The following LRMDA variants were observed in gnomAD, a reference collection of about 807,000 sequenced individuals.
LRMDA encodes the protein leucine-rich melanocyte differentiation-associated protein.
Under a neutral mutation model 29.8 loss-of-function variants are expected in LRMDA, and 18 were observed. That is an observed-to-expected ratio of 0.60 (90% CI 0.42 to 0.90). The LOEUF (loss-of-function observed/expected upper bound fraction) is 0.90. Ranked by LOEUF, LRMDA falls within the 40% of genes least tolerant of loss-of-function variation. The pLI, the probability that LRMDA is intolerant of heterozygous loss-of-function variation, is 0.00. For missense variants in LRMDA, 273 were observed against 273.9 expected, an observed-to-expected ratio of 1.00 and a Z score of 0.02; for synonymous variants, 125 against 109.4, an observed-to-expected ratio of 1.14 and a Z score of -0.89.
At chr10:75,457,374 C>T (rs764210529) in intron 2 of LRMDA, among the ~76,000 whole-genome samples, 2 of 152,222 alleles carry the variant, frequency 1.3e-5, no homozygotes, top group Non-Finnish European at 2.9e-5. Context: ...ACAACCCCTA[C>T]AGCGTAGTGG....
At chr10:76,532,657 T>G (rs181618729) in intron 6 of LRMDA, among the ~76,000 whole-genome samples, 1 of 152,268 alleles carries the variant, frequency 6.6e-6, no homozygotes, top group Non-Finnish European at 1.5e-5. Context: ...AGAGAAGTCT[T>G]CTAAGAAGAA....
intron 2 of LRMDA, among the ~76,000 whole-genome samples, chr10:75,896,818 G>C (rs1457567936): frequency 8.7e-6 from 1 of 115,000 alleles, no homozygotes; most frequent in African/African-American, 2.8e-5. Context: ...AGAGATAACA[G>C]TGCTAACTCT....
chr10:75,501,499 G>A (rs1845112883), intron 2 of LRMDA, among the ~76,000 whole-genome samples: 1 of 152,210 alleles, frequency 6.6e-6, no homozygotes, highest in Non-Finnish European at 1.5e-5. Context: ...GGCAGGTGGT[G>A]TGGGCCTGTT....
chr10:76,153,620 G>A (rs1181839190), intron 5 of LRMDA, among the ~76,000 whole-genome samples: 1 of 152,166 alleles, frequency 6.6e-6, no homozygotes, highest in East Asian at 1.9e-4. Flanking sequence ...AGGAATGTAT[G>A]CTGTTAGATT....
At chr10:75,636,153 A>C (rs1011914446) in intron 2 of LRMDA, among the ~76,000 whole-genome samples, 5 of 152,178 alleles carry the variant, frequency 3.3e-5, no homozygotes, top group African/African-American at 1.2e-4. Context: ...GTACAGGAAA[A>C]AGAGTTGAAG....
intron 6 of LRMDA, among the ~76,000 whole-genome samples, chr10:76,377,306 T>C (rs565641544): frequency 7.9e-5 from 12 of 152,198 alleles, no homozygotes; most frequent in Non-Finnish European, 4.4e-5. Flanking sequence ...TAGCCCTTTG[T>C]TGGATGCATA....
intron 4 of LRMDA, among the ~76,000 whole-genome samples, chr10:76,057,536 A>G (rs142307434): frequency 1.1e-4 from 16 of 152,296 alleles, no homozygotes; most frequent in South Asian, 8.3e-4. Flanking sequence ...AAAACAACAA[A>G]ATGTTAGACT....
intron 6 of LRMDA, among the ~76,000 whole-genome samples, chr10:76,411,979 T>G (rs377021407): frequency 3.9e-5 from 6 of 152,252 alleles, no homozygotes; most frequent in African/African-American, 1.4e-4. Context: ...CCGAGTGCTA[T>G]TGGGACACCT....
chr10:75,634,406 C>G (rs934260599), intron 2 of LRMDA, among the ~76,000 whole-genome samples: 3 of 152,178 alleles, frequency 2.0e-5, no homozygotes, highest in Admixed American at 2.0e-4. Flanking sequence ...TTTCACCTGC[C>G]TCCCCCCAAA....
At position 75,733,268 on chromosome 10, in the gene LRMDA, G is replaced by A. The variant is rs76477376; in HGVS notation, c.131+294774G>A. Among the ~76,000 whole-genome samples, 213 of 152,326 alleles carry A rather than the reference G, an allele frequency of 1.4e-3. 2 individuals carry two copies. Among genetic ancestry groups the A allele is most frequent in the African/African-American group, 5.0e-3 (208 of 41,570 alleles). On this transcript the variant is annotated intron_variant, in intron 2 of 6. Coordinates refer to ENST00000611255, the MANE Select transcript of LRMDA (RefSeq NM_001305581.2). ...CACAGTGGTGAGCTCTGCATCATTG[G>A]TGGCTCCCATTATTGTGATTACTAT... is the stretch of plus-strand genomic sequence containing the variant.
chr10:76,217,907 T>G (rs1851758526), intron 5 of LRMDA, among the ~76,000 whole-genome samples: 1 of 152,174 alleles, frequency 6.6e-6, no homozygotes, highest in African/African-American at 2.4e-5. Context: ...AATATTGCTA[T>G]TTCCTGTACA....
At chr10:75,989,587 A>G (rs1847323548) in intron 2 of LRMDA, among the ~76,000 whole-genome samples, 1 of 152,264 alleles carries the variant, frequency 6.6e-6, no homozygotes, top group African/African-American at 2.4e-5. Flanking sequence ...ACACAGATCC[A>G]AACTGTATCA....
At chr10:76,429,783 C>T (rs530120068) in intron 6 of LRMDA, among the ~76,000 whole-genome samples, 210 of 152,262 alleles carry the variant, frequency 1.4e-3, no homozygotes, top group Non-Finnish European at 2.3e-3. Flanking sequence ...GGGGCCTGGG[C>T]AGGGGCCACC....
At chr10:76,349,655 T>C (rs1322336593) in intron 6 of LRMDA, among the ~76,000 whole-genome samples, 1 of 152,108 alleles carries the variant, frequency 6.6e-6, no homozygotes, top group African/African-American at 2.4e-5. Flanking sequence ...ACAAAATACA[T>C]TTTGTACTCA....
intron 6 of LRMDA, among the ~76,000 whole-genome samples, chr10:76,501,861 A>G (rs113918950): frequency 1.5e-3 from 228 of 151,960 alleles, no homozygotes; most frequent in African/African-American, 5.2e-3. Context: ...TCTTTCGTTT[A>G]ATTAGGGCTC....
At position 76,036,101 on chromosome 10, in the gene LRMDA, C is replaced by G. The variant is rs1223141134; in HGVS notation, c.225C>G (p.Pro75=). Residue 75 remains proline (P), a synonymous_variant, in exon 3 of 7, where the codon CCC becomes CCG. Transcript: ENST00000611255. ...LGDDLVLPGL[P]RLHTLTLNKN... The stretch of plus-strand genomic sequence containing the variant: ...ACGACCTTGTGTTGCCAGGGTTACC[C>G]AGACTGCATACCTTAACCCTCAACA... 3 of 1,613,936 alleles carry G rather than the reference C, an allele frequency of 1.9e-6. No homozygotes were observed.
chr10:75,690,031 A>C (rs1479277752), intron 2 of LRMDA, among the ~76,000 whole-genome samples: 1 of 152,202 alleles, frequency 6.6e-6, no homozygotes, highest in Non-Finnish European at 1.5e-5. Flanking sequence ...TATTTACATA[A>C]CTGGATCAGT....
intron 2 of LRMDA, among the ~76,000 whole-genome samples, chr10:75,920,548 C>G (rs965666666): frequency 3.9e-5 from 6 of 152,178 alleles, no homozygotes; most frequent in Non-Finnish European, 1.5e-5. Context: ...CAATCCAGCC[C>G]TCTCTATGCG....
chr10:75,680,559 A>G (rs1031588655), intron 2 of LRMDA, among the ~76,000 whole-genome samples: 2 of 152,274 alleles, frequency 1.3e-5, no homozygotes, highest in Non-Finnish European at 2.9e-5. Flanking sequence ...CATATTGTAT[A>G]TGCTCAATAA....
Sources: allele counts gnomAD v4.1 joint callset (sites outside exome capture counted in the v4.1 genomes callset), GRCh38; gene constraint gnomAD v4.1.1; transcripts MANE v1.5; gene names NCBI Gene and HGNC (gene_info 2026-07-23, HGNC 2026-07-21).